Variants in NF2 observed in about 807,000 individuals in gnomAD.
NF2 encodes NF2, moesin-ezrin-radixin like (MERLIN) tumor suppressor.
Under a neutral mutation model 83.7 loss-of-function variants are expected in NF2, and 8 were observed. The ratio of observed to expected loss-of-function variants is 0.10; its 90% CI spans 0.06 to 0.17. NF2 has a LOEUF of 0.17. NF2 is among the 10% of genes least tolerant of loss of function. The pLI, the probability that NF2 is intolerant of heterozygous loss-of-function variation, is 1.00. For synonymous variants in NF2, 266 were observed against 269.6 expected (o/e 0.99, Z 0.13); for missense variants, 533 against 744.4 (o/e 0.72, Z 3.31).
At chr22:29,609,440 C>A in intron 1 of NF2, 1 of 414,470 alleles carries the variant, frequency 2.4e-6, no homozygotes. Flanking sequence ...GACCCTAGAT[C>A]TGTGATCAGC....
In NF2 at chr22:29,698,344, G is replaced by C; in HGVS notation, c.*3542G>C. ...AGTGTCTAAGTGTTCCTCACTGACA[G>C]GGTGGGGCCTCACCACCCCTGGAGG... On this transcript the variant is annotated 3_prime_UTR_variant, in exon 16 of 16. Transcript: ENST00000338641. 4.5e-6 allele frequency: 1 copy of C among 222,252 alleles called. No homozygotes were observed. The highest frequency in any genetic ancestry group is 9.0e-6 in the Non-Finnish European group (1 of 111,094). 13.8% of individuals were successfully genotyped at this position (222,252 alleles called of 1,614,324 possible).
At chr22:29,623,150 G>A (rs2065259302) in intron 1 of NF2, among the ~76,000 whole-genome samples, 1 of 151,442 alleles carries the variant, frequency 6.6e-6, no homozygotes, top group Non-Finnish European at 1.5e-5. Flanking sequence ...CCGCTATGTT[G>A]CCTAGGCTGG....
chr22:29,692,403 C>T (rs139199416), intron 15 of NF2, among the ~76,000 whole-genome samples: 1 of 152,344 alleles, frequency 6.6e-6, no homozygotes, highest in Non-Finnish European at 1.5e-5. Context: ...ACCCCACCCA[C>T]CCCAGAGCAC....
At chr22:29,681,680 A>G in intron 15 of NF2, 79 bp downstream of exon 15, 1 of 1,557,602 alleles carries the variant, frequency 6.4e-7, no homozygotes, top group Non-Finnish European at 8.8e-7. Flanking sequence ...TGGTTTCCTC[A>G]GTAGCCAAGT....
chr22:29,695,087 G>A lies in NF2; in HGVS notation c.*285G>A, dbSNP rs978784600. 11 of 544,294 alleles carry A rather than the reference G, an allele frequency of 2.0e-5. No individual in the cohort carries two copies. The highest frequency in any genetic ancestry group is 3.8e-5 in the African/African-American group (2 of 52,996). The allele number at this position is 544,294 out of a possible 1,614,324, so 33.7% of individuals were successfully genotyped here. On this transcript the variant is annotated 3_prime_UTR_variant, in exon 16 of 16. Coordinates refer to ENST00000338641, the MANE Select transcript of NF2 (RefSeq NM_000268.4). The surrounding 1 kb of genome is among the most constrained non-coding windows in gnomAD (Gnocchi z 5.4). ...TAATGTGGGATTCCTGACTCCCTTC[G>A]TCCAAGGCACCGGTGTGTGTGTGTC... is the stretch of plus-strand genomic sequence containing the variant.
At chr22:29,672,133 T>C (rs144645372) in intron 11 of NF2, among the ~76,000 whole-genome samples, 185 bp downstream of exon 11, 64 of 152,332 alleles carry the variant, frequency 4.2e-4, no homozygotes, top group Non-Finnish European at 7.5e-4. Flanking sequence ...GTTGAGCTTA[T>C]GTGCAGCCAA....
In NF2 at chr22:29,639,193, A is replaced by G; in HGVS notation, c.344A>G (p.Gln115Arg). 3.7e-6 allele frequency: 6 copies of G among 1,614,198 alleles called. No homozygotes were observed. Among genetic ancestry groups the G allele is most frequent in the Non-Finnish European group, 5.1e-6 (6 of 1,180,032 alleles). The stretch of plus-strand genomic sequence containing the variant: ...GAGGAGCTGGTTCAGGAGATCACAC[A>G]ACATTTATTCTTCTTACAGGTACAT... ...AEEELVQEITQHLFFLQVKKQ... is the reference protein window; with the variant it reads ...AEEELVQEITRHLFFLQVKKQ... The change falls in exon 3 of 16, where the codon CAA becomes CGA. Residue 115 changes from glutamine (Q) to arginine (R), a missense_variant. Transcript: ENST00000338641.
rs539155509 is a variant in NF2, at chr22:29,688,214, G to A, written c.1738-6538G>A. On this transcript the variant is annotated intron_variant, in intron 15 of 15. Transcript: ENST00000338641. ...AAGAGCCTACAAACCTGCCTTGCCT[G>A]CCTAGGTACTTTACCACCATTTGGA... Among the ~76,000 whole-genome samples the A allele has an allele frequency of 6.5e-4, 99 of 152,288 alleles. 1 individual carries two copies. Among genetic ancestry groups the A allele is most frequent in the Non-Finnish European group, 5.4e-4 (37 of 68,026 alleles).
chr22:29,675,387 T>C (rs535651082), intron 13 of NF2, among the ~76,000 whole-genome samples: 4 of 152,274 alleles, frequency 2.6e-5, no homozygotes, highest in African/African-American at 7.2e-5. Flanking sequence ...CACTCTCAGT[T>C]TGGGGACAGA....
chr22:29,620,695 A>G (rs979782918), intron 1 of NF2, among the ~76,000 whole-genome samples: 10 of 152,054 alleles, frequency 6.6e-5, no homozygotes, highest in Non-Finnish European at 1.0e-4. Flanking sequence ...ACTGCACTCC[A>G]GCCTGGATGA....
chr22:29,679,724 G>C (rs1165447400), intron 14 of NF2, among the ~76,000 whole-genome samples: 1 of 151,908 alleles, frequency 6.6e-6, no homozygotes, highest in Non-Finnish European at 1.5e-5. Flanking sequence ...AAATTAGCTG[G>C]GTGTGGTGGC....
intron 4 of NF2, among the ~76,000 whole-genome samples, chr22:29,652,408 G>C (rs553080356): frequency 6.6e-6 from 1 of 152,102 alleles, no homozygotes; most frequent in Non-Finnish European, 1.5e-5. Flanking sequence ...GGGTTCAAGC[G>C]ATTCTCCTGC....
chr22:29,646,294 C>T (rs1432640365), intron 4 of NF2, among the ~76,000 whole-genome samples: 1 of 152,148 alleles, frequency 6.6e-6, no homozygotes, highest in African/African-American at 2.4e-5. Context: ...GGATTTCAGG[C>T]CAAATAGAAT....
At chr22:29,624,590 G>A (rs1413470464) in intron 1 of NF2, among the ~76,000 whole-genome samples, 6 of 152,200 alleles carry the variant, frequency 3.9e-5, no homozygotes, top group Non-Finnish European at 8.8e-5. Context: ...TTTGATAAAT[G>A]TTACCTATCT....
Position 29,639,978 on chromosome 22 carries a change from C to T in NF2, c.363+766C>T, listed in dbSNP as rs571919299. On this transcript the variant is annotated intron_variant, in intron 3 of 15. Coordinates refer to ENST00000338641, the MANE Select transcript of NF2 (RefSeq NM_000268.4). ...TTGGGAGGCTGAGGCGGGCAGATCA[C>T]GAGGTCAGGAGTTCAAGACCAGCCT... 1.3e-4 allele frequency among the ~76,000 whole-genome samples: 19 copies of T among 149,946 alleles called. No individual in the cohort carries two copies. The South Asian group carries it at 1.5e-3, about 12-fold the overall frequency.
intron 4 of NF2, among the ~76,000 whole-genome samples, chr22:29,645,340 A>G (rs970103092): frequency 7.2e-5 from 11 of 152,216 alleles, no homozygotes; most frequent in Admixed American, 2.6e-4. Context: ...AAGATCATTC[A>G]GACAATCTTG....
chr22:29,652,398 G>A (rs908565097), intron 4 of NF2, among the ~76,000 whole-genome samples: 7 of 152,112 alleles, frequency 4.6e-5, no homozygotes, highest in Admixed American at 2.0e-4. Context: ...TCCGCCTCCC[G>A]GGTTCAAGCG....
chr22:29,683,382 C>T (rs760822525), intron 15 of NF2: 9 of 1,336,974 alleles, frequency 6.7e-6, no homozygotes, highest in Non-Finnish European at 8.7e-6. Context: ...TCAGGTGTGT[C>T]TAAAAGTCCT....
intron 3 of NF2, among the ~76,000 whole-genome samples, chr22:29,641,480 T>C (rs1202792505): frequency 6.6e-6 from 1 of 152,226 alleles, no homozygotes; most frequent in Non-Finnish European, 1.5e-5. Flanking sequence ...ACTGCTTTTA[T>C]GAATCCGGTG....
Sources: allele counts gnomAD v4.1 joint callset (sites outside exome capture counted in the v4.1 genomes callset), GRCh38; gene constraint gnomAD v4.1.1; non-coding constraint Gnocchi (gnomAD v3.1); transcripts MANE v1.5; gene names NCBI Gene and HGNC (gene_info 2026-07-23, HGNC 2026-07-21).